Variants in IMMP2L observed in about 807,000 individuals in gnomAD.
The protein encoded by IMMP2L is inner mitochondrial membrane peptidase subunit 2, also known as mitochondrial inner membrane protease subunit 2.
In IMMP2L, 18 loss-of-function variants were observed where a neutral mutation model predicts 19.3. The observed-to-expected ratio is 0.93, with a 90% CI of 0.64 to 1.38. IMMP2L has a LOEUF of 1.38. Among genes scored for constraint, IMMP2L ranks in the 40% most tolerant of loss-of-function variants. The probability of loss-of-function intolerance (pLI) is 0.00; values close to 1 mark genes in which losing one functional copy is unlikely to be tolerated. For synonymous variants in IMMP2L, 76 were observed against 73.0 expected, an observed-to-expected ratio of 1.04 and a Z score of -0.21; for missense variants, 233 against 218.2, an observed-to-expected ratio of 1.07 and a Z score of -0.43.
intron 4 of IMMP2L, among the ~76,000 whole-genome samples, chr7:110,945,206 G>A (rs1455497230): frequency 2.6e-5 from 4 of 151,894 alleles, no homozygotes; most frequent in African/African-American, 9.7e-5. Flanking sequence ...GCATCTGCAG[G>A]GCTCCTGTTT....
At chr7:111,427,186 G>A (rs926701396) in intron 3 of IMMP2L, among the ~76,000 whole-genome samples, 3 of 144,910 alleles carry the variant, frequency 2.1e-5, no homozygotes, top group African/African-American at 7.4e-5. Flanking sequence ...AATATCAGTG[G>A]ACCTTCACCT....
chr7:110,706,644 T>C (rs1036045856), intron 5 of IMMP2L, among the ~76,000 whole-genome samples: 1 of 152,168 alleles, frequency 6.6e-6, no homozygotes, highest in African/African-American at 2.4e-5. Flanking sequence ...TGGCTACTTG[T>C]ATGTCTTCTT....
intron 5 of IMMP2L, among the ~76,000 whole-genome samples, chr7:110,858,642 A>G (rs984197361): frequency 3.3e-5 from 5 of 151,852 alleles, no homozygotes; most frequent in African/African-American, 7.2e-5. Context: ...TAGGGTACAT[A>G]TGCACAATGT....
At chr7:111,436,103 T>C (rs887052496) in intron 3 of IMMP2L, among the ~76,000 whole-genome samples, 1 of 151,634 alleles carries the variant, frequency 6.6e-6, no homozygotes, top group Non-Finnish European at 1.5e-5. Flanking sequence ...CCAGAATTAG[T>C]AAAAGAGACA....
chr7:111,211,930 G>A (rs1040921839), intron 3 of IMMP2L, among the ~76,000 whole-genome samples: 3 of 152,122 alleles, frequency 2.0e-5, no homozygotes, highest in African/African-American at 7.2e-5. Context: ...CCAGGAGGCG[G>A]AGCTTGCAGT....
intron 5 of IMMP2L, among the ~76,000 whole-genome samples, chr7:110,712,871 C>A (rs1477149341): frequency 1.6e-5 from 2 of 128,804 alleles, no homozygotes; most frequent in Non-Finnish European, 3.3e-5. Context: ...CTTCGGCTCG[C>A]GCACAGTGCG....
chr7:111,059,437 C>T (rs1038237513), intron 3 of IMMP2L, among the ~76,000 whole-genome samples: 3 of 152,116 alleles, frequency 2.0e-5, no homozygotes, highest in African/African-American at 7.2e-5. Context: ...TCTGATTGTT[C>T]TAGGGAAAAG....
chr7:111,269,650 TA>T (rs202047841), intron 3 of IMMP2L, among the ~76,000 whole-genome samples: 56 of 151,150 alleles, frequency 3.7e-4, no homozygotes, highest in South Asian at 1.3e-3. Flanking sequence ...CAGTTTTTTT[TA>T]AAAAAAAACA....
chr7:111,399,735 T>C (rs1433018370), intron 3 of IMMP2L, among the ~76,000 whole-genome samples: 1 of 152,110 alleles, frequency 6.6e-6, no homozygotes, highest in Non-Finnish European at 1.5e-5. Context: ...TGTACTAACA[T>C]TTCCTACCTT....
At chr7:110,893,984 C>T (rs566479513) in intron 4 of IMMP2L, among the ~76,000 whole-genome samples, 3 of 152,240 alleles carry the variant, frequency 2.0e-5, no homozygotes, top group Non-Finnish European at 2.9e-5. Flanking sequence ...GTCCCAGAGA[C>T]CCTACCTTGA....
At chr7:111,237,395 T>C (rs559696506) in intron 3 of IMMP2L, among the ~76,000 whole-genome samples, 2 of 152,244 alleles carry the variant, frequency 1.3e-5, no homozygotes, top group South Asian at 2.1e-4. Flanking sequence ...CATATTCACA[T>C]GTATTTTACC....
intron 5 of IMMP2L, among the ~76,000 whole-genome samples, chr7:110,752,179 C>G (rs1415662800): frequency 6.6e-6 from 1 of 151,918 alleles, no homozygotes; most frequent in East Asian, 1.9e-4. Context: ...AGGTTTAGTG[C>G]TATAGAAACG....
intron 5 of IMMP2L, among the ~76,000 whole-genome samples, chr7:110,770,681 T>C (rs1185292282): frequency 6.6e-6 from 1 of 152,140 alleles, no homozygotes; most frequent in Non-Finnish European, 1.5e-5. Context: ...GACTGTACTG[T>C]GTTCTTATTT....
intron 3 of IMMP2L, among the ~76,000 whole-genome samples, chr7:111,013,563 G>T (rs1825197000): frequency 6.6e-6 from 1 of 152,006 alleles, no homozygotes; most frequent in Admixed American, 6.6e-5. Flanking sequence ...ACATAAAAAG[G>T]AACACAGAAG....
intron 3 of IMMP2L, among the ~76,000 whole-genome samples, chr7:111,243,704 C>G (rs1263148039): frequency 5.0e-5 from 5 of 99,384 alleles, no homozygotes. Flanking sequence ...GTGTGATATT[C>G]CCCTTCCTGT....
At chr7:110,977,839 A>C (rs1820862335) in intron 3 of IMMP2L, among the ~76,000 whole-genome samples, 1 of 151,988 alleles carries the variant, frequency 6.6e-6, no homozygotes, top group African/African-American at 2.4e-5. Context: ...TAGGCCCAGT[A>C]ATTTGACAAT....
intron 3 of IMMP2L, among the ~76,000 whole-genome samples, chr7:110,988,884 T>A (rs1585613972): frequency 6.6e-6 from 1 of 151,982 alleles, no homozygotes. Flanking sequence ...TATAATCTCA[T>A]TTTTATAAAA....
rs535363582 is a variant in IMMP2L, at chr7:111,035,244, G to A, written c.240-71679C>T. 1.5e-3 allele frequency among the ~76,000 whole-genome samples: 235 copies of A among 152,182 alleles called. 2 individuals are homozygous for A. The highest frequency in any genetic ancestry group is 4.6e-3 in the South Asian group (22 of 4,822). On this transcript the variant is annotated intron_variant, in intron 3 of 5. Transcript: ENST00000405709. ...CCAATAACACTGGTAAATGGCCAACGTGTAAAGACAATGACAGAAATAAAA... is the reference window on the plus strand; with the variant it reads ...CCAATAACACTGGTAAATGGCCAACATGTAAAGACAATGACAGAAATAAAA...
Position 110,728,061 on chromosome 7 carries a change from A to C in IMMP2L, c.409-64340T>G, listed in dbSNP as rs1171627555. Among the ~76,000 whole-genome samples, 2 of 152,210 alleles carry C rather than the reference A, an allele frequency of 1.3e-5. No homozygotes were observed. Among genetic ancestry groups the C allele is most frequent in the African/African-American group, 4.8e-5 (2 of 41,450 alleles). ...GCCTCAATTTCTTCTTCTGAAGAAC[A>C]GGGGTACCAACAATATATACTTCAT... On this transcript the variant is annotated intron_variant, in intron 5 of 5. Coordinates refer to ENST00000405709, the MANE Select transcript of IMMP2L (RefSeq NM_032549.4). This position sits in a 1 kb window ranked among gnomAD's most constrained non-coding sequence, Gnocchi z 4.6.
Sources: allele counts gnomAD v4.1 joint callset (sites outside exome capture counted in the v4.1 genomes callset), GRCh38; gene constraint gnomAD v4.1.1; non-coding constraint Gnocchi (gnomAD v3.1); transcripts MANE v1.5; gene names NCBI Gene and HGNC (gene_info 2026-07-23, HGNC 2026-07-21).